ATRNL1: variants seen among roughly 807,000 people sequenced by gnomAD.
The protein encoded by ATRNL1 is attractin like 1.
Under a neutral mutation model 182.7 loss-of-function variants are expected in ATRNL1, and 95 were observed. The observed-to-expected ratio is 0.52, with a 90% CI of 0.44 to 0.62. The LOEUF is 0.62. Ranked by LOEUF, ATRNL1 falls within the 20% of genes least tolerant of loss-of-function variation. The pLI is 0.00. For synonymous variants in ATRNL1, 576 were observed against 568.3 expected, an observed-to-expected ratio of 1.01 and a Z score of -0.19; for missense variants, 1,471 against 1,679.5, an observed-to-expected ratio of 0.88 and a Z score of 2.17.
At chr10:115,639,176 C>G (rs145793957) in intron 26 of ATRNL1, among the ~76,000 whole-genome samples, 1 of 152,116 alleles carries the variant, frequency 6.6e-6, no homozygotes, top group Non-Finnish European at 1.5e-5. Context: ...TACATATTGA[C>G]ACCAATTTGA....
At chr10:115,785,711 A>G (rs182690648) in intron 27 of ATRNL1, among the ~76,000 whole-genome samples, 55 of 152,338 alleles carry the variant, frequency 3.6e-4, no homozygotes, top group African/African-American at 1.3e-3. Flanking sequence ...TAGACTGAGA[A>G]TTTCCCAAAT....
chr10:115,899,199 T>C (rs1952286010), intron 28 of ATRNL1, among the ~76,000 whole-genome samples: 2 of 152,116 alleles, frequency 1.3e-5, no homozygotes, highest in Middle Eastern at 3.4e-3. Context: ...GGTGTTCTCA[T>C]TGTTCAATTC....
intron 26 of ATRNL1, among the ~76,000 whole-genome samples, chr10:115,564,939 T>G (rs1555001198): frequency 6.6e-6 from 1 of 152,064 alleles, no homozygotes; most frequent in African/African-American, 2.4e-5. Context: ...AAATAATATT[T>G]CACATCTATT....
chr10:115,803,953 G>A (rs1172401204), intron 27 of ATRNL1, among the ~76,000 whole-genome samples: 1 of 152,086 alleles, frequency 6.6e-6, no homozygotes, highest in Non-Finnish European at 1.5e-5. Context: ...ATTAGTAATT[G>A]TTATGCATTG....
At chr10:115,733,044 A>G (rs1187989023) in intron 27 of ATRNL1, among the ~76,000 whole-genome samples, 1 of 152,146 alleles carries the variant, frequency 6.6e-6, no homozygotes, top group African/African-American at 2.4e-5. Context: ...TTTTATTTTT[A>G]TATTAGAAGT....
rs185547202 is a variant in ATRNL1, at chr10:115,717,926, T to C, written c.3796-9322T>C. Among the ~76,000 whole-genome samples, 216 of 152,288 alleles carry C rather than the reference T, an allele frequency of 1.4e-3. 1 individual carries two copies. The highest frequency in any genetic ancestry group is 0.011 in the Admixed American group (168 of 15,292). ...ATTTGCCACCCTACATTTTCTGGCT[T>C]CTGTGTAATTAGGTTGGACTGTGTG... On this transcript the variant is annotated intron_variant, in intron 26 of 28. Coordinates refer to ENST00000355044, the MANE Select transcript of ATRNL1 (RefSeq NM_207303.4).
At chr10:115,448,854 C>CCAACAA (rs3981286) in intron 21 of ATRNL1, among the ~76,000 whole-genome samples, 10,439 of 150,158 alleles carry the variant, frequency 0.07, 698 homozygotes, top group African/African-American at 0.17. Context: ...AGCGTGCCAA[C>CCAACAA]CAACAACAAC....
At chr10:115,407,985 CTTTTTTTTTTTTTT>C (rs71010022) in intron 20 of ATRNL1, among the ~76,000 whole-genome samples, 3 of 97,806 alleles carry the variant, frequency 3.1e-5, no homozygotes, top group South Asian at 3.1e-4. Flanking sequence ...ATTTGCATTT[CTTTTTTTTTTTTTT>C]TTTTTTTTTT....
rs564606921 is a variant in ATRNL1 at position 115,894,163 on chromosome 10, A to T, written c.4018+46172A>T. Among the ~76,000 whole-genome samples the T allele has an allele frequency of 7.2e-5, 11 of 152,146 alleles. No homozygotes were observed. In the South Asian group the frequency reaches 8.3e-4, roughly 11 times the overall value. ...TAATTAGCATAATATTAGATCAAAG[A>T]TGCACCAAAGGGCATTGTTGAAGGT... On this transcript the variant is annotated intron_variant, in intron 28 of 28. Transcript: ENST00000355044.
chr10:115,545,420 A>G (rs1852597632), intron 25 of ATRNL1, among the ~76,000 whole-genome samples: 1 of 152,128 alleles, frequency 6.6e-6, no homozygotes, highest in Admixed American at 6.6e-5. Context: ...TTTCTACGTC[A>G]CGTTAGCTCT....
At chr10:115,588,423 T>A (rs1391154746) in intron 26 of ATRNL1, among the ~76,000 whole-genome samples, 1 of 152,208 alleles carries the variant, frequency 6.6e-6, no homozygotes, top group African/African-American at 2.4e-5. Flanking sequence ...TGGCAATATG[T>A]GTGTTCCTCT....
intron 26 of ATRNL1, among the ~76,000 whole-genome samples, chr10:115,598,257 C>T (rs1231811706): frequency 6.6e-6 from 1 of 150,474 alleles, no homozygotes; most frequent in Non-Finnish European, 1.5e-5. Context: ...ATATTTACTA[C>T]TTTAGAAATA....
chr10:115,378,641 A>C (rs543392635), intron 19 of ATRNL1, among the ~76,000 whole-genome samples: 2 of 152,254 alleles, frequency 1.3e-5, no homozygotes, highest in South Asian at 4.1e-4. Flanking sequence ...GCTGGAGCTG[A>C]GATTGGGGAC....
At chr10:115,273,361 C>T (rs186245130) in intron 13 of ATRNL1, among the ~76,000 whole-genome samples, 8 of 152,268 alleles carry the variant, frequency 5.3e-5, no homozygotes, top group East Asian at 3.9e-4. Context: ...TAAACATTTA[C>T]GCTGGATACA....
chr10:115,373,600 T>C (rs141733794), intron 19 of ATRNL1, among the ~76,000 whole-genome samples: 2 of 152,156 alleles, frequency 1.3e-5, no homozygotes, highest in African/African-American at 4.8e-5. Context: ...ATAGTTGTTC[T>C]ACATCTACTG....
intron 1 of ATRNL1, 59 bp downstream of exon 1, chr10:115,094,102 C>T (rs2084948491): frequency 1.5e-6 from 2 of 1,301,208 alleles, no homozygotes; most frequent in East Asian, 3.1e-5. Context: ...TCGCGGCCTT[C>T]CCCGCCCCCC....
chr10:115,923,185 C>G (rs1953119442), intron 28 of ATRNL1, among the ~76,000 whole-genome samples: 1 of 152,090 alleles, frequency 6.6e-6, no homozygotes, highest in African/African-American at 2.4e-5. Flanking sequence ...GTATCAACAT[C>G]TTCATGTAAC....
At chr10:115,712,914 C>T (rs1555054976) in intron 26 of ATRNL1, among the ~76,000 whole-genome samples, 1 of 151,892 alleles carries the variant, frequency 6.6e-6, no homozygotes, top group Non-Finnish European at 1.5e-5. Context: ...TCATATCAAC[C>T]CAGTCCCGAG....
chr10:115,784,400 G>A (rs547299267), intron 27 of ATRNL1, among the ~76,000 whole-genome samples: 1 of 152,298 alleles, frequency 6.6e-6, no homozygotes, highest in African/African-American at 2.4e-5. Flanking sequence ...AAGGTTCATG[G>A]AGTAGTAGTA....
Sources: allele counts gnomAD v4.1 joint callset (sites outside exome capture counted in the v4.1 genomes callset), GRCh38; gene constraint gnomAD v4.1.1; transcripts MANE v1.5; gene names NCBI Gene and HGNC (gene_info 2026-07-23, HGNC 2026-07-21).